CNIH3: variants seen among roughly 807,000 people sequenced by gnomAD.
CNIH3 encodes the protein cornichon family AMPA receptor auxiliary protein 3, also known as protein cornichon homolog 3.
CNIH3 carries 14 observed loss-of-function variants against 24.1 expected under a neutral mutation model. The ratio of observed to expected loss-of-function variants is 0.58; its 90% CI spans 0.38 to 0.91. The LOEUF is 0.91. Among genes scored for constraint, CNIH3 ranks in the 40% least tolerant of loss-of-function variants. CNIH3 has a pLI of 0.00. For missense variants in CNIH3, 178 were observed against 196.8 expected (o/e 0.90, Z 0.57); for synonymous variants, 68 against 73.8 (o/e 0.92, Z 0.40).
At chr1:224,668,577 A>G (rs908121330) in intron 1 of CNIH3, among the ~76,000 whole-genome samples, 1 of 152,194 alleles carries the variant, frequency 6.6e-6, no homozygotes, top group African/African-American at 2.4e-5. Context: ...ACTTGGGTGC[A>G]TGCTCCCCCA....
intron 1 of CNIH3, among the ~76,000 whole-genome samples, chr1:224,488,565 A>G (rs1300371856): frequency 6.6e-6 from 1 of 152,120 alleles, no homozygotes; most frequent in Non-Finnish European, 1.5e-5. Flanking sequence ...GGCTCAAGCA[A>G]TGCTACTGCC....
intron 1 of CNIH3, among the ~76,000 whole-genome samples, chr1:224,457,993 A>G: frequency 6.6e-6 from 1 of 152,216 alleles, no homozygotes; most frequent in Non-Finnish European, 1.5e-5. Flanking sequence ...TATGCCAGTT[A>G]GTGCCCTTTG....
In CNIH3 at chr1:224,674,151, G is replaced by A. The variant is rs577312749; in HGVS notation, c.82-6807G>A. 2.6e-4 allele frequency among the ~76,000 whole-genome samples: 40 copies of A among 152,178 alleles called. 3 individuals carry two copies. In the South Asian group the frequency reaches 8.3e-3, roughly 32 times the overall value. ...CAGAAATAAGAGGAGCAAATGCAGG[G>A]AAGAGAAAGTCCCAGAGAAAACCAG... On this transcript the variant is annotated intron_variant, in intron 1 of 5. Coordinates refer to ENST00000272133, the MANE Select transcript of CNIH3 (RefSeq NM_152495.2).
chr1:224,476,518 T>C (rs1676592972), intron 1 of CNIH3, among the ~76,000 whole-genome samples: 2 of 152,234 alleles, frequency 1.3e-5, no homozygotes, highest in Admixed American at 1.3e-4. Flanking sequence ...CCATTTGCCC[T>C]GAGAAATGAG....
chr1:224,723,943 T>A (rs1688880815), intron 3 of CNIH3, among the ~76,000 whole-genome samples: 1 of 152,188 alleles, frequency 6.6e-6, no homozygotes, highest in South Asian at 2.1e-4. Context: ...GGACCAGACA[T>A]GATGGTTCAC....
At chr1:224,735,174 C>T (rs1689533639) in intron 5 of CNIH3, among the ~76,000 whole-genome samples, 1 of 152,144 alleles carries the variant, frequency 6.6e-6, no homozygotes, top group African/African-American at 2.4e-5. Context: ...CAGTGGCTGT[C>T]ACGGTTCATA....
chr1:224,456,465 C>T (rs12758579), intron 1 of CNIH3, among the ~76,000 whole-genome samples: 42,880 of 152,038 alleles, frequency 0.28, 7,495 homozygotes, highest in African/African-American at 0.49. Context: ...GGCTGGAGTG[C>T]GGTGGTGCAG....
chr1:224,450,505 C>A (rs1241728993), intron 1 of CNIH3, among the ~76,000 whole-genome samples: 1 of 152,028 alleles, frequency 6.6e-6, no homozygotes, highest in African/African-American at 2.4e-5. Context: ...GCAGAGGGAA[C>A]AGATAATACA....
chr1:224,617,050 T>A lies in CNIH3; in HGVS notation c.-125T>A. The A allele has an allele frequency of 6.8e-7, 1 of 1,462,906 alleles. No homozygotes were observed. The highest frequency in any genetic ancestry group is 9.0e-7 in the Non-Finnish European group (1 of 1,112,382). The allele number at this position is 1,462,906 out of a possible 1,614,324, so 90.6% of individuals were successfully genotyped here. Reference sequence around the variant, plus strand: ...GAGTCGCTTCGCTAGCTGTGCGCCCTCCTGGGCACTAGCCTGGAGAGGAGC... The same window carrying A: ...GAGTCGCTTCGCTAGCTGTGCGCCCACCTGGGCACTAGCCTGGAGAGGAGC... On this transcript the variant is annotated 5_prime_UTR_variant, in exon 1 of 6. Coordinates refer to ENST00000272133, the MANE Select transcript of CNIH3 (RefSeq NM_152495.2).
chr1:224,635,596 C>T (rs972418076), intron 1 of CNIH3, among the ~76,000 whole-genome samples: 3 of 152,112 alleles, frequency 2.0e-5, no homozygotes, highest in Non-Finnish European at 2.9e-5. Context: ...ACAGCACAGC[C>T]GAGCCGGCCT....
At chr1:224,729,907 C>T (rs768583094) in intron 3 of CNIH3, among the ~76,000 whole-genome samples, 15 of 152,148 alleles carry the variant, frequency 9.9e-5, no homozygotes, top group African/African-American at 2.7e-4. Context: ...TTGTTTTTCT[C>T]GCGTTCCTCT....
intron 1 of CNIH3, among the ~76,000 whole-genome samples, chr1:224,647,502 G>T (rs56881651): frequency 0.47 from 71,331 of 152,018 alleles, 17,490 homozygotes; most frequent in African/African-American, 0.59. Flanking sequence ...CAGAAGCTGG[G>T]ACATCACTCA....
intron 4 of CNIH3, among the ~76,000 whole-genome samples, chr1:224,579,190 G>A (rs1681166906): frequency 6.6e-6 from 1 of 150,582 alleles, no homozygotes; most frequent in African/African-American, 2.4e-5. Flanking sequence ...TTCTAAGAAC[G>A]CCATTTTTGA....
At chr1:224,519,220 A>G (rs966437498) in intron 1 of CNIH3, among the ~76,000 whole-genome samples, 2 of 152,242 alleles carry the variant, frequency 1.3e-5, no homozygotes, top group Admixed American at 6.5e-5. Context: ...ACAGCACCGC[A>G]TGGCAGGGGA....
At chr1:224,451,204 C>T (rs948439544) in intron 1 of CNIH3, among the ~76,000 whole-genome samples, 2 of 152,162 alleles carry the variant, frequency 1.3e-5, no homozygotes, top group South Asian at 2.1e-4. Flanking sequence ...CAAAGCTCAT[C>T]GCAGGTAGGC....
intron 3 of CNIH3, among the ~76,000 whole-genome samples, chr1:224,707,621 A>G (rs1288971560): frequency 6.6e-6 from 1 of 152,176 alleles, no homozygotes; most frequent in African/African-American, 2.4e-5. Flanking sequence ...GTGAACCAGC[A>G]GCTTTGGCAT....
Position 224,616,822 on chromosome 1 carries a change from C to G in CNIH3, c.-353C>G. On this transcript the variant is annotated 5_prime_UTR_variant, in exon 1 of 6. Transcript: ENST00000272133. ...CTCCTCCCTCGGTCCTCCGTGGAGT[C>G]GTCGCATCGCTTGTCGTGTTGGTCT... 9.0e-7 allele frequency: 1 copy of G among 1,107,396 alleles called. No homozygotes were observed. The highest frequency in any genetic ancestry group is 3.5e-5 in the South Asian group (1 of 28,978). The allele number at this position is 1,107,396 out of a possible 1,614,324, so 68.6% of individuals were successfully genotyped here.
chr1:224,487,630 G>A (rs2124837543), intron 1 of CNIH3, among the ~76,000 whole-genome samples: 1 of 152,308 alleles, frequency 6.6e-6, no homozygotes, highest in Admixed American at 6.5e-5. Context: ...GCAACTTCAA[G>A]CAAAAACAGT....
Position 224,704,865 on chromosome 1 carries a change from T to C in CNIH3, c.198+20022T>C, listed in dbSNP as rs571496166. Reference sequence around the variant, plus strand: ...TGGCTCATGCCTGTAATCCCAGCACTTTGGGAGACTGAGGTGGGTGGATCA... The same window carrying C: ...TGGCTCATGCCTGTAATCCCAGCACCTTGGGAGACTGAGGTGGGTGGATCA... On this transcript the variant is annotated intron_variant, in intron 3 of 5. Coordinates refer to ENST00000272133, the MANE Select transcript of CNIH3 (RefSeq NM_152495.2). This position sits in a 1 kb window ranked among gnomAD's most constrained non-coding sequence, Gnocchi z 4.2. Among the ~76,000 whole-genome samples the C allele has an allele frequency of 1.4e-4, 21 of 152,230 alleles. No homozygotes were observed. The highest frequency in any genetic ancestry group is 5.1e-4 in the African/African-American group (21 of 41,534).
Sources: gnomAD v4.1 joint callset for allele counts (sites outside exome capture counted in the v4.1 genomes callset) on GRCh38, gnomAD v4.1.1 for gene constraint, Gnocchi (gnomAD v3.1) non-coding constraint, MANE v1.5 for transcripts, NCBI Gene and HGNC (gene_info 2026-07-23, HGNC 2026-07-21) for gene names.